Variants in SGPL1 observed in about 807,000 individuals in gnomAD.
SGPL1 encodes the protein SP-lyase 1.
SGPL1 carries 37 observed loss-of-function variants against 68.9 expected under a neutral mutation model. That is an observed-to-expected ratio of 0.54 (90% CI 0.41 to 0.71). The LOEUF (loss-of-function observed/expected upper bound fraction) is 0.71. SGPL1 is among the 30% of genes least tolerant of loss of function. The pLI is 0.00. For missense variants in SGPL1, 551 were observed against 704.6 expected, an observed-to-expected ratio of 0.78 and a Z score of 2.47; for synonymous variants, 236 against 248.5, an observed-to-expected ratio of 0.95 and a Z score of 0.47.
At chr10:70,818,668 C>T (rs1371912582) in intron 2 of SGPL1, among the ~76,000 whole-genome samples, 1 of 152,090 alleles carries the variant, frequency 6.6e-6, no homozygotes, top group African/African-American at 2.4e-5. Context: ...TGATTTGAGG[C>T]AGGGATCTAG....
At chr10:70,821,160 C>T (rs1211373520) in intron 2 of SGPL1, among the ~76,000 whole-genome samples, 1 of 152,198 alleles carries the variant, frequency 6.6e-6, no homozygotes, top group African/African-American at 2.4e-5. Context: ...GTACTTTCCA[C>T]CTGTGTCTCA....
chr10:70,862,609 A>G (rs1846092524), intron 7 of SGPL1, among the ~76,000 whole-genome samples: 1 of 151,988 alleles, frequency 6.6e-6, no homozygotes, highest in South Asian at 2.1e-4. Flanking sequence ...TGTGACACTC[A>G]CCACGAAGGT....
intron 12 of SGPL1, among the ~76,000 whole-genome samples, chr10:70,875,116 T>C (rs1460510972): frequency 6.6e-6 from 1 of 152,168 alleles, no homozygotes; most frequent in Non-Finnish European, 1.5e-5. Context: ...GGAATATAAT[T>C]GGGAGTTGGG....
At position 70,876,540 on chromosome 10, in the gene SGPL1, G is replaced by A. The variant is rs1453958211; in HGVS notation, c.1446-1G>A. ...ATCTCTCTCTGTCTCTTCTTTCCTA[G>A]TATTCATTTCTGCATCACATTACTA... On this transcript the variant is annotated splice_acceptor_variant, in intron 13 of 14. Transcript: ENST00000373202. LOFTEE classifies it high-confidence loss of function. 7.5e-6 allele frequency: 12 copies of A among 1,608,808 alleles called. No homozygotes were observed. Among genetic ancestry groups the A allele is most frequent in the Non-Finnish European group, 1.0e-5 (12 of 1,178,230 alleles).
chr10:70,877,249 T>G lies in SGPL1; in HGVS notation c.1621T>G (p.Leu541Val). The G allele has an allele frequency of 1.9e-6, 3 of 1,614,178 alleles. No individual in the cohort carries two copies. Among genetic ancestry groups the G allele is most frequent in the Non-Finnish European group, 2.5e-6 (3 of 1,179,972 alleles). Residue 541 changes from leucine to valine, a missense_variant, in exon 15 of 15, where the codon TTG becomes GTG. Coordinates refer to ENST00000373202, the MANE Select transcript of SGPL1 (RefSeq NM_003901.4). ...TTVDRNMVAE[L>V]SSVFLDSLYS... ...TGTTGACAGGAATATGGTTGCAGAA[T>G]TGTCCTCAGTCTTCTTGGACAGCTT...
At chr10:70,836,778 G>A (rs888214433) in intron 2 of SGPL1, among the ~76,000 whole-genome samples, 1 of 151,908 alleles carries the variant, frequency 6.6e-6, no homozygotes, top group Non-Finnish European at 1.5e-5. Flanking sequence ...TTTTTGTAGG[G>A]ATGGGAACTT....
rs557436581 is a variant in SGPL1, at chr10:70,825,603, G to T, written c.27+8723G>T. Among the ~76,000 whole-genome samples, 149 of 152,310 alleles carry T rather than the reference G, an allele frequency of 9.8e-4. No individual in the cohort carries two copies. The Middle Eastern group carries it at 0.014, about 14-fold the overall frequency. ...CCACAGCTTTGGCAAGCCCAAAGCTGCTTTGTTCCAGTAGTAGCCTTAGAA... is the reference window on the plus strand; with the variant it reads ...CCACAGCTTTGGCAAGCCCAAAGCTTCTTTGTTCCAGTAGTAGCCTTAGAA... On this transcript the variant is annotated intron_variant, in intron 2 of 14. Transcript: ENST00000373202.
At chr10:70,851,259 C>T (rs1564624852) in intron 4 of SGPL1, 49 bp downstream of exon 4, 5 of 1,399,816 alleles carry the variant, frequency 3.6e-6, no homozygotes, top group Non-Finnish European at 4.1e-6. Context: ...ATAATCATAC[C>T]TCTTTCTTTC....
At chr10:70,860,265 A>G (rs538876797) in intron 7 of SGPL1, 36 of 402,394 alleles carry the variant, frequency 8.9e-5, no homozygotes, top group Non-Finnish European at 1.2e-4. Context: ...ATATGCTGCA[A>G]TGGTGTCCTA....
At chr10:70,873,678 C>T in intron 12 of SGPL1, 89 bp downstream of exon 12, 1 of 938,682 alleles carries the variant, frequency 1.1e-6, no homozygotes, top group Non-Finnish European at 1.7e-6. Flanking sequence ...TATCCATAGC[C>T]CTAGCCCACC....
intron 2 of SGPL1, among the ~76,000 whole-genome samples, chr10:70,837,003 ATTT>A (rs985162859): frequency 7.9e-5 from 12 of 152,032 alleles, no homozygotes; most frequent in African/African-American, 2.6e-4. Context: ...CATTAATTAA[ATTT>A]TAATAAATTT....
At chr10:70,847,552 A>G (rs1471678423) in intron 3 of SGPL1, among the ~76,000 whole-genome samples, 1 of 152,172 alleles carries the variant, frequency 6.6e-6, no homozygotes, top group East Asian at 1.9e-4. Context: ...AAATCTTACT[A>G]CTGAAGGATA....
intron 3 of SGPL1, among the ~76,000 whole-genome samples, chr10:70,846,726 C>T (rs1046256279): frequency 9.9e-5 from 15 of 152,102 alleles, no homozygotes; most frequent in South Asian, 2.1e-4. Flanking sequence ...ATTTTACTTG[C>T]TATGATTAAT....
intron 2 of SGPL1, among the ~76,000 whole-genome samples, chr10:70,819,368 A>G (rs1845295431): frequency 1.3e-5 from 2 of 152,220 alleles, no homozygotes; most frequent in African/African-American, 4.8e-5. Context: ...TTCACTGGAA[A>G]AGTTGTCATT....
chr10:70,863,809 G>C (rs1233630081), intron 7 of SGPL1, among the ~76,000 whole-genome samples: 1 of 152,180 alleles, frequency 6.6e-6, no homozygotes, highest in Non-Finnish European at 1.5e-5. Flanking sequence ...TTTTGCAGTA[G>C]TGGGATTTAT....
chr10:70,871,467 G>A (rs988111723), intron 10 of SGPL1, among the ~76,000 whole-genome samples: 7 of 152,186 alleles, frequency 4.6e-5, no homozygotes, highest in African/African-American at 1.7e-4. Context: ...TATTCCACAT[G>A]CTGCCCCTCA....
rs527976795 is a variant in SGPL1 at position 70,846,032 on chromosome 10, A to G, written c.193+1394A>G. 3.9e-5 allele frequency among the ~76,000 whole-genome samples: 6 copies of G among 152,326 alleles called. No individual in the cohort carries two copies. The East Asian group carries it at 1.2e-3, about 29-fold the overall frequency. On this transcript the variant is annotated intron_variant, in intron 3 of 14. Transcript: ENST00000373202. The stretch of plus-strand genomic sequence containing the variant: ...CTTAGCCATTTATGGCGCAGTAAAC[A>G]TTGCAAAACCTGACAACCAAGAAGC...
At chr10:70,861,552 A>T (rs180675424) in intron 7 of SGPL1, among the ~76,000 whole-genome samples, 3 of 152,228 alleles carry the variant, frequency 2.0e-5, no homozygotes, top group African/African-American at 7.2e-5. Flanking sequence ...GCACTTGAGG[A>T]GCTCTTCAGC....
intron 2 of SGPL1, among the ~76,000 whole-genome samples, chr10:70,822,398 A>G (rs557513357): frequency 6.6e-6 from 1 of 152,340 alleles, no homozygotes; most frequent in African/African-American, 2.4e-5. Flanking sequence ...TTTTCAGTCT[A>G]TGTGTCAGGA....
Sources: allele counts gnomAD v4.1 joint callset (sites outside exome capture counted in the v4.1 genomes callset), GRCh38; gene constraint gnomAD v4.1.1; transcripts MANE v1.5; gene names NCBI Gene and HGNC (gene_info 2026-07-23, HGNC 2026-07-21).